Variants in ABI2 observed in about 807,000 individuals in gnomAD.
The protein encoded by ABI2 is abelson interactor 2.
ABI2 carries 25 observed loss-of-function variants against 59.2 expected under a neutral mutation model. The observed-to-expected ratio is 0.42, with a 90% CI of 0.31 to 0.59. The LOEUF (loss-of-function observed/expected upper bound fraction) is 0.59, where lower values mean the gene tolerates loss of function less well. Ranked by LOEUF, ABI2 falls within the 20% of genes least tolerant of loss-of-function variation. ABI2 has a pLI of 0.14. For missense variants in ABI2, 545 were observed against 681.8 expected (o/e 0.80, Z 2.23); for synonymous variants, 213 against 235.5 (o/e 0.90, Z 0.87).
chr2:203,355,891 A>T (rs191918403), intron 1 of ABI2, among the ~76,000 whole-genome samples: 2 of 150,806 alleles, frequency 1.3e-5, no homozygotes, highest in Non-Finnish European at 1.5e-5. Flanking sequence ...AAAATCTTCA[A>T]CTTTCACTAG....
intron 10 of ABI2, among the ~76,000 whole-genome samples, chr2:203,416,151 T>C (rs1280799436): frequency 2.0e-5 from 3 of 152,198 alleles, no homozygotes; most frequent in Non-Finnish European, 4.4e-5. Context: ...CCTGGACTCA[T>C]TTAAGTGAAA....
chr2:203,328,789 A>C (rs1271404752), intron 1 of ABI2, 158 bp downstream of exon 1: 3 of 424,574 alleles, frequency 7.1e-6, no homozygotes, highest in Non-Finnish European at 1.3e-5. Context: ...AATGGGTGGG[A>C]ATTCTCCGGC....
intron 4 of ABI2, among the ~76,000 whole-genome samples, chr2:203,389,486 G>C (rs930415787): frequency 2.0e-5 from 3 of 152,148 alleles, no homozygotes; most frequent in African/African-American, 7.2e-5. Context: ...ACTTAAGCCA[G>C]GGTTGGTTTT....
chr2:203,347,565 A>G (rs1456729745), intron 1 of ABI2, among the ~76,000 whole-genome samples: 1 of 152,234 alleles, frequency 6.6e-6, no homozygotes, highest in Non-Finnish European at 1.5e-5. Context: ...AATCTCCACC[A>G]TGTGCCAAGC....
chr2:203,342,346 T>G (rs921469593), intron 1 of ABI2: 9 of 367,926 alleles, frequency 2.4e-5, no homozygotes, highest in Non-Finnish European at 4.3e-5. Flanking sequence ...GACTGTTTTT[T>G]TGTTTTTCTT....
At chr2:203,371,031 TCTG>T (rs2153057343) in intron 2 of ABI2, among the ~76,000 whole-genome samples, 2 of 152,352 alleles carry the variant, frequency 1.3e-5, no homozygotes, top group African/African-American at 4.8e-5. Flanking sequence ...CCCTGACTCT[TCTG>T]CTGACTTGTG....
At chr2:203,401,311 C>T (rs1467719708) in intron 8 of ABI2, among the ~76,000 whole-genome samples, 1 of 151,984 alleles carries the variant, frequency 6.6e-6, no homozygotes, top group African/African-American at 2.4e-5. Context: ...CTCTACCTTC[C>T]TGTCCCCTTT....
intron 1 of ABI2, among the ~76,000 whole-genome samples, chr2:203,339,095 G>A (rs192236174): frequency 0.014 from 2,070 of 147,896 alleles, 26 homozygotes; most frequent in Middle Eastern, 0.041. Flanking sequence ...AAGACACACA[G>A]GCGTCCAACA....
chr2:203,365,383 TTTTCTC>T (rs1294366907), intron 1 of ABI2, among the ~76,000 whole-genome samples: 1 of 152,172 alleles, frequency 6.6e-6, no homozygotes, highest in Non-Finnish European at 1.5e-5. Flanking sequence ...GCCTCATGCT[TTTTCTC>T]TTTCATCATT....
In ABI2 at chr2:203,395,763, C is replaced by A; in HGVS notation, c.833C>A (p.Pro278His). 1 of 1,598,062 alleles carries A rather than the reference C, an allele frequency of 6.3e-7. No individual in the cohort carries two copies. Among genetic ancestry groups the A allele is most frequent in the Non-Finnish European group, 8.5e-7 (1 of 1,172,652 alleles). The change falls in exon 7 of 12, where the codon CCT becomes CAT. Residue 278 changes from proline to histidine, a missense_variant. Coordinates refer to ENST00000261018, the MANE Select transcript of ABI2 (RefSeq NM_001375670.1). ...GVPIAVPTPSPPSVFPAPAGS... is the reference protein window; with the variant it reads ...GVPIAVPTPSHPSVFPAPAGS... ...CCTATTGCTGTTCCTACTCCATCTC[C>A]TCCCAGTGTCTTTCCAGGTAAAACA...
chr2:203,360,956 A>G (rs1313412403), intron 1 of ABI2, among the ~76,000 whole-genome samples: 5 of 152,348 alleles, frequency 3.3e-5, no homozygotes, highest in African/African-American at 2.4e-5. Context: ...AGGATGACGT[A>G]TGCTCTGTTT....
chr2:203,367,133 A>G, intron 2 of ABI2, 89 bp downstream of exon 2: 1 of 1,410,606 alleles, frequency 7.1e-7, no homozygotes, highest in Non-Finnish European at 9.3e-7. Context: ...TTTATTATGT[A>G]AGTTAACTCA....
intron 10 of ABI2, among the ~76,000 whole-genome samples, chr2:203,412,444 G>T (rs2097717146): frequency 6.6e-6 from 1 of 152,056 alleles, no homozygotes; most frequent in Non-Finnish European, 1.5e-5. Flanking sequence ...CTGGCCTAAG[G>T]GCTCAGTGTC....
At position 203,406,732 on chromosome 2, in the gene ABI2, T is replaced by TG. The variant is rs559314368; in HGVS notation, c.1192+4000dup. On this transcript the variant is annotated intron_variant, in intron 9 of 11. Coordinates refer to ENST00000261018, the MANE Select transcript of ABI2 (RefSeq NM_001375670.1). ...AGGCTGGAGTGCAGTGGCACAATCTTGGCTCACTGCAACCTCTGCCTCCTG... is the reference window on the plus strand; with the variant it reads ...AGGCTGGAGTGCAGTGGCACAATCTTGGGCTCACTGCAACCTCTGCCTCCTG... Among the ~76,000 whole-genome samples the TG allele has an allele frequency of 6.6e-5, 10 of 152,260 alleles. No homozygotes were observed. In the East Asian group the frequency reaches 1.9e-3, roughly 29 times the overall value.
rs1014194153 is a variant in ABI2, at chr2:203,432,158, C to T, written c.*4806C>T. On this transcript the variant is annotated 3_prime_UTR_variant, in exon 12 of 12. Coordinates refer to ENST00000261018, the MANE Select transcript of ABI2 (RefSeq NM_001375670.1). Reference sequence around the variant, plus strand: ...CTAAGAACTTGACCTAAATAAAATCCCACAAAGTATATTCAGGTGTCTTGT... The same window carrying T: ...CTAAGAACTTGACCTAAATAAAATCTCACAAAGTATATTCAGGTGTCTTGT... 3 of 152,066 alleles carry T rather than the reference C, an allele frequency of 2.0e-5. No individual in the cohort carries two copies. Among genetic ancestry groups the T allele is most frequent in the Non-Finnish European group, 4.4e-5 (3 of 68,014 alleles). The allele number at this position is 152,066 out of a possible 1,614,324, so 9.4% of individuals were successfully genotyped here.
chr2:203,395,448 T>TATACACACACAC (rs750379504), intron 6 of ABI2, among the ~76,000 whole-genome samples: 2,755 of 115,272 alleles, frequency 0.024, 34 homozygotes, highest in Non-Finnish European at 0.027. Context: ...TATATATATA[T>TATACACACACAC]ACACACACAC....
At chr2:203,406,464 G>T (rs2097429866) in intron 9 of ABI2, among the ~76,000 whole-genome samples, 1 of 152,146 alleles carries the variant, frequency 6.6e-6, no homozygotes, top group African/African-American at 2.4e-5. Context: ...AAAGTGTCAG[G>T]CTTAGTAACC....
At chr2:203,378,380 G>A (rs1394307224) in intron 2 of ABI2, among the ~76,000 whole-genome samples, 1 of 152,102 alleles carries the variant, frequency 6.6e-6, no homozygotes, top group African/African-American at 2.4e-5. Flanking sequence ...CAAAGTGCTG[G>A]GATTATAGGC....
chr2:203,389,007 G>A (rs1232416949), intron 4 of ABI2, among the ~76,000 whole-genome samples: 2 of 151,948 alleles, frequency 1.3e-5, no homozygotes, highest in South Asian at 2.1e-4. Context: ...GTTTTATGTT[G>A]TTTAAGGTTG....
Sources: allele counts gnomAD v4.1 joint callset (sites outside exome capture counted in the v4.1 genomes callset), GRCh38; gene constraint gnomAD v4.1.1; transcripts MANE v1.5; gene names NCBI Gene and HGNC (gene_info 2026-07-23, HGNC 2026-07-21).